Variants in SNTG1 observed in about 807,000 individuals in gnomAD.
SNTG1 encodes gamma-1-syntrophin.
A neutral mutation model predicts 74.7 loss-of-function variants in SNTG1; 39 were observed. The ratio of observed to expected loss-of-function variants is 0.52; its 90% CI spans 0.40 to 0.68. The LOEUF (loss-of-function observed/expected upper bound fraction) is 0.68. Among genes scored for constraint, SNTG1 ranks in the 30% least tolerant of loss-of-function variants. The probability of loss-of-function intolerance (pLI) is 0.00; values close to 1 mark genes in which losing one functional copy is unlikely to be tolerated. For missense variants in SNTG1, 685 were observed against 609.5 expected (o/e 1.12, Z -1.30); for synonymous variants, 254 against 217.1 (o/e 1.17, Z -1.49).
At chr8:50,395,670 A>AT (rs1187716615) in intron 3 of SNTG1, among the ~76,000 whole-genome samples, 53 of 151,846 alleles carry the variant, frequency 3.5e-4, no homozygotes, top group Non-Finnish European at 2.8e-4. Flanking sequence ...CGCCAGGCTA[A>AT]TTTTTTTATT....
At chr8:50,085,514 G>A (rs1166485548) in intron 1 of SNTG1, among the ~76,000 whole-genome samples, 2 of 152,194 alleles carry the variant, frequency 1.3e-5, no homozygotes, top group Non-Finnish European at 2.9e-5. Flanking sequence ...TATGCACAGT[G>A]TAACCAGCAT....
At chr8:50,431,999 A>G (rs545348116) in intron 4 of SNTG1, among the ~76,000 whole-genome samples, 45 of 152,184 alleles carry the variant, frequency 3.0e-4, no homozygotes, top group Non-Finnish European at 5.0e-4. Context: ...TCTTAGCAGT[A>G]TCTTTCACAA....
intron 13 of SNTG1, 123 bp downstream of exon 13, chr8:50,591,040 G>A (rs1328451974): frequency 3.5e-6 from 2 of 565,258 alleles, no homozygotes; most frequent in African/African-American, 3.9e-5. Flanking sequence ...TATCTTCAGT[G>A]AGAAACATAC....
At chr8:50,406,027 G>A (rs1041468503) in intron 4 of SNTG1, among the ~76,000 whole-genome samples, 1 of 151,834 alleles carries the variant, frequency 6.6e-6, no homozygotes, top group African/African-American at 2.4e-5. Context: ...CAGCTAATTT[G>A]GGTTCCTTAA....
At chr8:50,040,303 TTA>T (rs1818525715) in intron 1 of SNTG1, among the ~76,000 whole-genome samples, 1 of 152,162 alleles carries the variant, frequency 6.6e-6, no homozygotes, top group Non-Finnish European at 1.5e-5. Flanking sequence ...TTTATAAAAA[TTA>T]TATATGTAAA....
At chr8:50,786,750 G>A (rs1413414163) in intron 18 of SNTG1, among the ~76,000 whole-genome samples, 1 of 151,892 alleles carries the variant, frequency 6.6e-6, no homozygotes, top group Non-Finnish European at 1.5e-5. Context: ...AAAGGAACAG[G>A]TTTTTCAACA....
chr8:50,783,281 C>A (rs1470494442), intron 18 of SNTG1, among the ~76,000 whole-genome samples: 1 of 152,198 alleles, frequency 6.6e-6, no homozygotes, highest in Non-Finnish European at 1.5e-5. Context: ...TTTTGTTTGT[C>A]TGTGCCCTGC....
intron 2 of SNTG1, among the ~76,000 whole-genome samples, chr8:50,284,237 A>T (rs950732176): frequency 6.6e-6 from 1 of 152,068 alleles, no homozygotes; most frequent in African/African-American, 2.4e-5. Context: ...AACATTTTCT[A>T]TTCTTATGAA....
intron 1 of SNTG1, among the ~76,000 whole-genome samples, chr8:50,084,183 C>A (rs1472491623): frequency 1.3e-5 from 2 of 152,066 alleles, no homozygotes; most frequent in Non-Finnish European, 2.9e-5. Context: ...TAAAACTGGC[C>A]AGGCGCAGTG....
intron 8 of SNTG1, among the ~76,000 whole-genome samples, chr8:50,494,609 G>GA (rs1425560170): frequency 6.6e-6 from 1 of 151,708 alleles, no homozygotes; most frequent in Non-Finnish European, 1.5e-5. Context: ...ACAATCAAAA[G>GA]AAAAAAGAAA....
chr8:50,673,296 T>G (rs1209369470), intron 15 of SNTG1, among the ~76,000 whole-genome samples: 1 of 152,234 alleles, frequency 6.6e-6, no homozygotes, highest in African/African-American at 2.4e-5. Flanking sequence ...ATATTGATTC[T>G]TCTTATCCAT....
At chr8:50,251,926 T>C (rs1207294102) in intron 2 of SNTG1, among the ~76,000 whole-genome samples, 3 of 152,096 alleles carry the variant, frequency 2.0e-5, no homozygotes, top group African/African-American at 7.2e-5. Context: ...CTTAACTGCA[T>C]ATGGAACATT....
rs549576099 is a variant in SNTG1, at chr8:50,635,824, C to T, written c.850-21085C>T. 4.6e-5 allele frequency among the ~76,000 whole-genome samples: 7 copies of T among 152,120 alleles called. No individual in the cohort carries two copies. In the East Asian group the frequency reaches 1.4e-3, roughly 30 times the overall value. ...GTACAAAAGCTGTAAGACAAAGTCC[C>T]CTTTACTTTTATCTCTGCTCTTCTA... On this transcript the variant is annotated intron_variant, in intron 13 of 18. Transcript: ENST00000642720.
chr8:50,738,646 TG>T (rs2131649283), intron 17 of SNTG1, among the ~76,000 whole-genome samples: 1 of 152,182 alleles, frequency 6.6e-6, no homozygotes, highest in Non-Finnish European at 1.5e-5. Flanking sequence ...TCATGATACC[TG>T]ACTTCAAACT....
intron 2 of SNTG1, among the ~76,000 whole-genome samples, chr8:50,386,617 C>T (rs1475249811): frequency 1.3e-5 from 2 of 152,040 alleles, no homozygotes; most frequent in Non-Finnish European, 2.9e-5. Flanking sequence ...GTGCAAGAAG[C>T]ATGACACCAG....
At chr8:50,679,716 C>A (rs1335849584) in intron 15 of SNTG1, among the ~76,000 whole-genome samples, 2 of 152,094 alleles carry the variant, frequency 1.3e-5, no homozygotes, top group Non-Finnish European at 2.9e-5. Flanking sequence ...GTTGTCCTCC[C>A]AGGCTTGGAA....
chr8:50,636,976 A>G lies in SNTG1; in HGVS notation c.850-19933A>G, dbSNP rs555805159. Among the ~76,000 whole-genome samples, 6 of 152,216 alleles carry G rather than the reference A, an allele frequency of 3.9e-5. No individual in the cohort carries two copies. In the East Asian group the frequency reaches 1.2e-3, roughly 29 times the overall value. On this transcript the variant is annotated intron_variant, in intron 13 of 18. Transcript: ENST00000642720. ...CTTCCCTCCATAGCATAATTCAGAA[A>G]TTTGTCTTGTAGCTTTACCATCTTC...
intron 8 of SNTG1, among the ~76,000 whole-genome samples, chr8:50,484,632 G>A (rs1336562829): frequency 6.6e-6 from 1 of 151,760 alleles, no homozygotes; most frequent in Non-Finnish European, 1.5e-5. Context: ...GGCCGAGGCA[G>A]GTGGATCATG....
intron 1 of SNTG1, among the ~76,000 whole-genome samples, chr8:50,161,895 T>C (rs758846984): frequency 1.2e-4 from 18 of 152,212 alleles, no homozygotes; most frequent in Non-Finnish European, 2.4e-4. Flanking sequence ...TTCCCTATTT[T>C]GCATTAATAA....
Sources: allele counts gnomAD v4.1 joint callset (sites outside exome capture counted in the v4.1 genomes callset), GRCh38; gene constraint gnomAD v4.1.1; transcripts MANE v1.5; gene names NCBI Gene and HGNC (gene_info 2026-07-23, HGNC 2026-07-21).